The following ARHGAP45 variants were observed in gnomAD, a reference collection of about 807,000 sequenced individuals.
The protein encoded by ARHGAP45 is rho GTPase-activating protein 45.
A neutral mutation model predicts 116.1 loss-of-function variants in ARHGAP45; 56 were observed. That is an observed-to-expected ratio of 0.48 (90% CI 0.39 to 0.60). ARHGAP45 has a LOEUF of 0.60. Among genes scored for constraint, ARHGAP45 ranks in the 20% least tolerant of loss-of-function variants. ARHGAP45 has a pLI of 0.00. For missense variants in ARHGAP45, 1,622 were observed against 1,601.0 expected, an observed-to-expected ratio of 1.01 and a Z score of -0.22; for synonymous variants, 866 against 701.7, an observed-to-expected ratio of 1.23 and a Z score of -3.70.
chr19:1,068,447 T>C lies in ARHGAP45; in HGVS notation c.124T>C (p.Phe42Leu), dbSNP rs2043079046. ...LPRKDGADAVFPGPSLEPPAG... is the reference protein window; with the variant it reads ...LPRKDGADAVLPGPSLEPPAG... ...CAGGAAGGATGGGGCTGACGCGGTG[T>C]TCCCCGGACCAAGCCTGGAGCCGCC... Residue 42 changes from phenylalanine to leucine, a missense_variant, in exon 2 of 23, where the codon TTC becomes CTC. This residue lies in a region of ARHGAP45 where 279 missense variants were observed against 311.9 expected (regional missense o/e 0.89). Coordinates refer to ENST00000313093, the MANE Select transcript of ARHGAP45 (RefSeq NM_012292.5). This position sits in a 1 kb window ranked among gnomAD's most constrained non-coding sequence, Gnocchi z 7.5. The C allele has an allele frequency of 1.9e-6, 3 of 1,579,130 alleles. No homozygotes were observed. Among genetic ancestry groups the C allele is most frequent in the Non-Finnish European group, 2.6e-6 (3 of 1,162,690 alleles).
Position 1,068,702 on chromosome 19 carries a change from G to T in ARHGAP45, c.379G>T (p.Ala127Ser), listed in dbSNP as rs1481803053. 2 of 1,612,534 alleles carry T rather than the reference G, an allele frequency of 1.2e-6. No homozygotes were observed. Among genetic ancestry groups the T allele is most frequent in the Non-Finnish European group, 1.7e-6 (2 of 1,180,020 alleles). ...TCTGCTGGCGGACGTGGCCCGCTTC[G>T]CTGAGGGCCTTGAGAAACTTAAGGA... is the stretch of plus-strand genomic sequence containing the variant. ...SHLLADVARFAEGLEKLKECV... is the reference protein window; with the variant it reads ...SHLLADVARFSEGLEKLKECV... Residue 127 changes from alanine (A) to serine (S), a missense_variant, in exon 2 of 23, where the codon GCT (alanine) becomes TCT (serine). By Grantham distance (99) the Ala-to-Ser change is moderately conservative. This residue lies in a region of ARHGAP45 where 279 missense variants were observed against 311.9 expected (regional missense o/e 0.89). Transcript: ENST00000313093. This position sits in a 1 kb window ranked among gnomAD's most constrained non-coding sequence, Gnocchi z 7.5.
At position 1,086,626 on chromosome 19, in the gene ARHGAP45, G is replaced by A. The variant is rs756115819; in HGVS notation, c.*620G>A. On this transcript the variant is annotated 3_prime_UTR_variant, in exon 23 of 23. Coordinates refer to ENST00000313093, the MANE Select transcript of ARHGAP45 (RefSeq NM_012292.5). Reference sequence around the variant, plus strand: ...TTGCTGAAATAAAAAGTTTTTAATCGGGTGTTTTCTGTGGCAGCTGCAAGC... The same window carrying A: ...TTGCTGAAATAAAAAGTTTTTAATCAGGTGTTTTCTGTGGCAGCTGCAAGC... The A allele has an allele frequency of 1.3e-5, 2 of 152,298 alleles. No individual in the cohort carries two copies. The highest frequency in any genetic ancestry group is 2.4e-5 in the African/African-American group (1 of 41,414). The allele number at this position is 152,298 out of a possible 1,614,324, so 9.4% of individuals were successfully genotyped here. A position where few individuals can be genotyped will look rare whatever the true frequency, so the allele number is the denominator to read the frequency against.
At position 1,083,277 on chromosome 19, in the gene ARHGAP45, C is replaced by T; in HGVS notation, c.2879C>T (p.Ala960Val). The T allele has an allele frequency of 6.3e-7, 1 of 1,592,806 alleles. No individual in the cohort carries two copies. The change falls in exon 21 of 23, where the codon GCC becomes GTC. Residue 960 changes from alanine to valine, a missense_variant. By Grantham distance (64) the Ala-to-Val change is moderately conservative. This residue lies in a region of ARHGAP45 where 1,334 missense variants were observed against 1,263.8 expected (regional missense o/e 1.06). Coordinates refer to ENST00000313093, the MANE Select transcript of ARHGAP45 (RefSeq NM_012292.5). Reference sequence around the variant, plus strand: ...TCCCTGGTGGATTATCCCCATCAGGCCCGCGTCATCGAGACTCTCATCGTC... The same window carrying T: ...TCCCTGGTGGATTATCCCCATCAGGTCCGCGTCATCGAGACTCTCATCGTC... ...LSSLVDYPHQ[A>V]RVIETLIVHY...
Position 1,071,453 on chromosome 19 carries a change from C to T in ARHGAP45, c.422-1696C>T. ...GCCCGCGGTGGGGGAGCAGCGGCTG[C>T]CGCGCGCCTGGCCTGGCCGTGCGCA... On this transcript the variant is annotated intron_variant, in intron 2 of 22. Transcript: ENST00000313093. The surrounding 1 kb of genome is among the most constrained non-coding windows in gnomAD (Gnocchi z 4.6). 1.0e-6 allele frequency: 1 copy of T among 978,082 alleles called. No individual in the cohort carries two copies. The highest frequency in any genetic ancestry group is 1.2e-6 in the Non-Finnish European group (1 of 805,930). The allele number at this position is 978,082 out of a possible 1,614,324, so 60.6% of individuals were successfully genotyped here.
At chr19:1,080,830 C>T (rs765460960) in intron 16 of ARHGAP45, 44 bp downstream of exon 16, 5 of 1,610,054 alleles carry the variant, frequency 3.1e-6, no homozygotes, top group Non-Finnish European at 3.4e-6. Flanking sequence ...GGGGTTTGGA[C>T]ACAGTCCATG....
rs982762458 is a variant in ARHGAP45, at chr19:1,086,598, A to C, written c.*592A>C. 2.0e-5 allele frequency: 3 copies of C among 151,836 alleles called. No individual in the cohort carries two copies. The highest frequency in any genetic ancestry group is 4.4e-5 in the Non-Finnish European group (3 of 67,702). 9.4% of individuals were successfully genotyped at this position (151,836 alleles called of 1,614,324 possible). ...GTGTGGTTCTTTCACAGGCACGTTT[A>C]TTTTGCTGAAATAAAAAGTTTTTAA... is the stretch of plus-strand genomic sequence containing the variant. On this transcript the variant is annotated 3_prime_UTR_variant, in exon 23 of 23. Transcript: ENST00000313093.
chr19:1,082,579 G>A, intron 19 of ARHGAP45: 1 of 515,412 alleles, frequency 1.9e-6, no homozygotes, highest in East Asian at 3.3e-5. Flanking sequence ...GAGTGGAGCC[G>A]GAGCTCGTTA....
intron 22 of ARHGAP45, among the ~76,000 whole-genome samples, chr19:1,084,554 AG>A (rs1251156673): frequency 5.3e-5 from 8 of 152,196 alleles, no homozygotes; most frequent in Non-Finnish European, 1.0e-4. Context: ...GTGCCTTTTG[AG>A]GTGCCTACCC....
At position 1,077,883 on chromosome 19, in the gene ARHGAP45, G is replaced by A; in HGVS notation, c.1212G>A (p.Lys404=). 1 of 1,554,210 alleles carries A rather than the reference G, an allele frequency of 6.4e-7. No homozygotes were observed. Among genetic ancestry groups the A allele is most frequent in the South Asian group, 1.2e-5 (1 of 84,290 alleles). Residue 404 remains lysine, a synonymous_variant, in exon 11 of 23, where the codon AAG becomes AAA. Transcript: ENST00000313093. ...KLQEAESNLR[K]AKQGYVQRCE... is the part of the protein sequence containing the mutation. ...AAGAGGCGGAGTCCAACCTGCGCAA[G>A]GCCAAGCAGGGTTACGTGCAGCGCT...
At chr19:1,080,226 C>T (rs1238671994) in intron 13 of ARHGAP45, 29 bp from the exon 14 acceptor site, 5 of 1,611,564 alleles carry the variant, frequency 3.1e-6, no homozygotes, top group Non-Finnish European at 4.2e-6. Context: ...CCCATCACCT[C>T]CCCTCCTTTT....
rs2043591616 is a variant in ARHGAP45 at position 1,085,529 on chromosome 19, C to CCCATCTCTCCTGTCTCTCA, written c.3065-113_3065-112insACCATCTCTCCTGTCTCTC. ...CTCTCCTCCATCTCTCCTGTCTCTCCCCATCTCTCCTGTCTCTCCATCTCT... is the reference window on the plus strand; with the variant it reads ...CTCTCCTCCATCTCTCCTGTCTCTCCCCATCTCTCCTGTCTCTCACCATCTCTCCTGTCTCTCCATCTCT... On this transcript the variant is annotated intron_variant, in intron 22 of 22. Transcript: ENST00000313093. 3 of 643,490 alleles carry CCCATCTCTCCTGTCTCTCA rather than the reference C, an allele frequency of 4.7e-6. No individual in the cohort carries two copies. The Admixed American group carries it at 9.0e-5, about 19-fold the overall frequency. 39.9% of individuals were successfully genotyped at this position (643,490 alleles called of 1,614,324 possible).
In ARHGAP45 at chr19:1,068,183, C is replaced by T. The variant is rs970371587; in HGVS notation, c.91-231C>T. ...CCGCGCCTCCCCGCAGGCCCCGCCC[C>T]GGCTGTGGTTTGGGCAAGGACCGTT... On this transcript the variant is annotated intron_variant, in intron 1 of 22. Transcript: ENST00000313093. This position sits in a 1 kb window ranked among gnomAD's most constrained non-coding sequence, Gnocchi z 7.5. 1.5e-5 allele frequency: 8 copies of T among 527,760 alleles called. No individual in the cohort carries two copies. The highest frequency in any genetic ancestry group is 6.0e-5 in the African/African-American group (3 of 49,858). The allele number at this position is 527,760 out of a possible 1,614,324, so 32.7% of individuals were successfully genotyped here.
chr19:1,070,329 C>CTTTTTTTTTTTTTTTTTTTTTT (rs1172163710), intron 2 of ARHGAP45, among the ~76,000 whole-genome samples: 2 of 93,270 alleles, frequency 2.1e-5, no homozygotes, highest in Non-Finnish European at 4.2e-5. Context: ...CTTTTCTTTT[C>CTTTTTTTTTTTTTTTTTTTTTT]TTTTTTTTTT....
At position 1,083,331 on chromosome 19, in the gene ARHGAP45, CGGA is replaced by C. The variant is rs1568484111; in HGVS notation, c.2938_2940del (p.Glu980del). On this transcript the variant is annotated inframe_deletion, in exon 21 of 23. Transcript: ENST00000313093. ...TACGGCCTGGTCTTCGAGGAGGAGC[CGGA>C]GGAGACCCCCGGGGGCCAGGTGAGG... 7 of 1,555,460 alleles carry C rather than the reference CGGA, an allele frequency of 4.5e-6. No homozygotes were observed. The highest frequency in any genetic ancestry group is 2.7e-5 in the African/African-American group (2 of 73,396).
Position 1,080,257 on chromosome 19 carries a change from C to G in ARHGAP45, c.1706C>G (p.Ser569Cys), listed in dbSNP as rs754796242. The change falls in exon 14 of 23, where the codon TCC (serine) becomes TGC (cysteine). Residue 569 changes from serine (S) to cysteine (C), a missense_variant and splice_region_variant. Physicochemically the swap from Ser to Cys is moderately radical, Grantham distance 112 (BLOSUM62 -1). Around this residue, in one of 3 missense-constraint regions of ARHGAP45, gnomAD observed 1,334 missense variants for 1,263.8 expected, o/e 1.06. Coordinates refer to ENST00000313093, the MANE Select transcript of ARHGAP45 (RefSeq NM_012292.5). Reference protein sequence around the residue: ...FEPHVSANAWSPVMRARKSSF... With the variant: ...FEPHVSANAWCPVMRARKSSF... ...CTTTTCCCGGTTTCTTCCACTAGGTCCCCCGTCATGCGTGCCCGGAAGAGC... is the reference window on the plus strand; with the variant it reads ...CTTTTCCCGGTTTCTTCCACTAGGTGCCCCGTCATGCGTGCCCGGAAGAGC... The G allele has an allele frequency of 6.2e-7, 1 of 1,612,432 alleles. No homozygotes were observed. Among genetic ancestry groups the G allele is most frequent in the Admixed American group, 1.7e-5 (1 of 59,904 alleles).
intron 1 of ARHGAP45, 179 bp downstream of exon 1, chr19:1,067,674 G>A: frequency 4.1e-6 from 3 of 725,840 alleles, no homozygotes; most frequent in African/African-American, 1.7e-5. Context: ...TTCAGCTCAC[G>A]GTAGGGACCC....
In ARHGAP45 at chr19:1,074,263, G is replaced by T. The variant is rs752278644; in HGVS notation, c.928+22G>T. On this transcript the variant is annotated intron_variant, in intron 7 of 22. Transcript: ENST00000313093. ...CTGGGTGAGAGCTGGTGTCCCAGCA[G>T]GGTGGGTCTGGAGGGAGGGGGTTCT... 4 of 1,612,422 alleles carry T rather than the reference G, an allele frequency of 2.5e-6. No homozygotes were observed. The South Asian group carries it at 3.3e-5, about 13-fold the overall frequency.
chr19:1,081,591 C>T lies in ARHGAP45; in HGVS notation c.2232C>T (p.Ala744=). 1 of 1,519,660 alleles carries T rather than the reference C, an allele frequency of 6.6e-7. No homozygotes were observed. Among genetic ancestry groups the T allele is most frequent in the African/African-American group, 1.4e-5 (1 of 71,856 alleles). The allele number at this position is 1,519,660 out of a possible 1,614,324, so 94.1% of individuals were successfully genotyped here. ...ACAAGAAATGTCTGGAGACGCTGGCCATACAGTGCGGGCACAAGAAGCTGC... is the reference window on the plus strand; with the variant it reads ...ACAAGAAATGTCTGGAGACGCTGGCTATACAGTGCGGGCACAAGAAGCTGC... ...ACHKKCLETL[A]IQCGHKKLQG... is the part of the protein sequence containing the mutation. Residue 744 remains alanine, a synonymous_variant, in exon 18 of 23, where the codon GCC becomes GCT. Transcript: ENST00000313093.
chr19:1,081,365 A>G, intron 17 of ARHGAP45, 185 bp from the exon 18 acceptor site: 2 of 676,146 alleles, frequency 3.0e-6, no homozygotes, highest in Non-Finnish European at 4.8e-6. Context: ...GGCGGGAAGG[A>G]GAGGAGGCCA....
Sources: allele counts gnomAD v4.1 joint callset (sites outside exome capture counted in the v4.1 genomes callset), GRCh38; gene constraint gnomAD v4.1.1; regional missense constraint gnomAD v4.1.1; non-coding constraint Gnocchi (gnomAD v3.1); transcripts MANE v1.5; gene names NCBI Gene and HGNC (gene_info 2026-07-23, HGNC 2026-07-21).